Variants in DYM observed in about 807,000 individuals in gnomAD.
DYM encodes the protein dyggve-Melchior-Clausen syndrome protein.
In DYM, 78 loss-of-function variants were observed where a neutral mutation model predicts 93.1. That is an observed-to-expected ratio of 0.84 (90% confidence interval 0.70 to 1.01). The LOEUF is 1.01. DYM is among the 50% of genes least tolerant of loss of function. The probability of loss-of-function intolerance (pLI) is 0.00; values close to 1 mark genes in which losing one functional copy is unlikely to be tolerated. For missense variants in DYM, 789 were observed against 845.0 expected, an observed-to-expected ratio of 0.93 and a Z score of 0.82; for synonymous variants, 321 against 319.7, an observed-to-expected ratio of 1.00 and a Z score of -0.04.
intron 15 of DYM, among the ~76,000 whole-genome samples, chr18:49,125,466 CATAA>C (rs2082727811): frequency 6.6e-6 from 1 of 152,128 alleles, no homozygotes; most frequent in Non-Finnish European, 1.5e-5. Flanking sequence ...GTAGTAGTGA[CATAA>C]ATACTCTCTT....
chr18:49,390,093 C>G (rs771095762), intron 3 of DYM, among the ~76,000 whole-genome samples: 10 of 152,100 alleles, frequency 6.6e-5, no homozygotes, highest in Non-Finnish European at 1.2e-4. Context: ...ACAATAACAC[C>G]TTTTCATTAT....
At chr18:49,434,204 A>T (rs1395208063) in intron 1 of DYM, among the ~76,000 whole-genome samples, 1 of 152,118 alleles carries the variant, frequency 6.6e-6, no homozygotes, top group Non-Finnish European at 1.5e-5. Context: ...AAAATTAGCC[A>T]GGTGTGGTGG....
At chr18:49,311,949 G>A (rs2061619639) in intron 8 of DYM, among the ~76,000 whole-genome samples, 1 of 151,804 alleles carries the variant, frequency 6.6e-6, no homozygotes, top group Admixed American at 6.6e-5. Context: ...GCAGACAGAT[G>A]ATCTGGAGGT....
chr18:49,432,107 T>A (rs1320991616), intron 1 of DYM, among the ~76,000 whole-genome samples: 1 of 152,132 alleles, frequency 6.6e-6, no homozygotes, highest in Non-Finnish European at 1.5e-5. Flanking sequence ...GCGCTGTGGC[T>A]CACGCCTGTA....
intron 15 of DYM, among the ~76,000 whole-genome samples, chr18:49,154,480 C>T (rs542959231): frequency 2.7e-4 from 41 of 152,106 alleles, no homozygotes; most frequent in African/African-American, 9.6e-4. Context: ...CTGCAACCTC[C>T]GCCTCCTGGG....
intron 1 of DYM, among the ~76,000 whole-genome samples, chr18:49,445,758 G>C (rs1211883621): frequency 6.6e-6 from 1 of 152,088 alleles, no homozygotes; most frequent in Admixed American, 6.5e-5. Context: ...AGTAGCCAGA[G>C]TAACACCTTG....
chr18:49,067,340 T>A, intron 17 of DYM, among the ~76,000 whole-genome samples: 1 of 129,550 alleles, frequency 7.7e-6, no homozygotes, highest in African/African-American at 3.0e-5. Flanking sequence ...GTTATGGAGA[T>A]TCAGTAGGGG....
rs554853321 is a variant in DYM, at chr18:49,064,757, C to T, written c.2026-20553G>A. The stretch of plus-strand genomic sequence containing the variant: ...AAAATACGTATATATTTTTCCTTTT[C>T]ACACTTCTAAATCTGCAACTAAAAT... On this transcript the variant is annotated intron_variant, in intron 17 of 17. Transcript: ENST00000675505. 2.0e-5 allele frequency among the ~76,000 whole-genome samples: 3 copies of T among 152,094 alleles called. No individual in the cohort carries two copies. In the South Asian group the frequency reaches 6.2e-4, roughly 32 times the overall value.
At chr18:49,170,294 CT>C (rs1456334495) in intron 14 of DYM, among the ~76,000 whole-genome samples, 1 of 152,106 alleles carries the variant, frequency 6.6e-6, no homozygotes, top group African/African-American at 2.4e-5. Flanking sequence ...AATCTGTGCT[CT>C]TAACAAATCT....
At chr18:49,382,582 A>C (rs1474621751) in intron 3 of DYM, among the ~76,000 whole-genome samples, 1 of 152,208 alleles carries the variant, frequency 6.6e-6, no homozygotes, top group Non-Finnish European at 1.5e-5. Flanking sequence ...AGGAGGTCCG[A>C]CAGGAAAGCA....
chr18:49,205,124 C>A (rs1031232639), intron 14 of DYM, among the ~76,000 whole-genome samples: 1 of 152,082 alleles, frequency 6.6e-6, no homozygotes, highest in East Asian at 1.9e-4. Flanking sequence ...CTACACCCAG[C>A]TAATTTTTTG....
At chr18:49,271,292 C>T (rs751860682) in intron 11 of DYM, among the ~76,000 whole-genome samples, 12 of 152,030 alleles carry the variant, frequency 7.9e-5, no homozygotes, top group Non-Finnish European at 1.5e-4. Context: ...ACGCAATTAT[C>T]CTACAGTACA....
chr18:49,289,817 A>ATATATATATATACACACATATG (rs1568182164), intron 8 of DYM, among the ~76,000 whole-genome samples: 2 of 134,368 alleles, frequency 1.5e-5, no homozygotes, highest in African/African-American at 5.7e-5. Flanking sequence ...ATACACATAT[A>ATATATATATATACACACATATG]TATTTATTTA....
At position 49,036,803 on chromosome 18, in the gene DYM, C is replaced by A. The variant is rs2070720493; in HGVS notation, c.*7252G>T. ...TAAATATTTTAAATGTCTGCATAATCTGAAGTAACTTACCTGTTTTCCTTT... is the reference window on the plus strand; with the variant it reads ...TAAATATTTTAAATGTCTGCATAATATGAAGTAACTTACCTGTTTTCCTTT... On this transcript the variant is annotated 3_prime_UTR_variant, in exon 18 of 18. Transcript: ENST00000675505. Among the ~76,000 whole-genome samples the A allele has an allele frequency of 6.6e-6, 1 of 152,216 alleles. No homozygotes were observed. The highest frequency in any genetic ancestry group is 1.5e-5 in the Non-Finnish European group (1 of 68,036).
chr18:49,067,168 GCA>G (rs2076468430), intron 17 of DYM, among the ~76,000 whole-genome samples: 9 of 30,336 alleles, frequency 3.0e-4, no homozygotes, highest in South Asian at 1.2e-3. Flanking sequence ...GGTGATGTGA[GCA>G]CTATGGAGGT....
intron 15 of DYM, among the ~76,000 whole-genome samples, chr18:49,142,108 A>G: frequency 6.6e-6 from 1 of 150,670 alleles, no homozygotes; most frequent in Admixed American, 6.6e-5. Context: ...TGATCCGCCC[A>G]CCTCGGTCTC....
At chr18:49,099,869 T>G (rs1271102262) in intron 16 of DYM, among the ~76,000 whole-genome samples, 2 of 152,220 alleles carry the variant, frequency 1.3e-5, no homozygotes, top group African/African-American at 4.8e-5. Context: ...AATGTGGCAC[T>G]TGTTCCAGGA....
chr18:49,442,045 A>G (rs1297182460), intron 1 of DYM, among the ~76,000 whole-genome samples: 1 of 152,190 alleles, frequency 6.6e-6, no homozygotes, highest in East Asian at 1.9e-4. Flanking sequence ...GAAACTGAAT[A>G]GGAACCTAGG....
chr18:49,345,686 ATAG>A (rs2064531281), intron 6 of DYM, among the ~76,000 whole-genome samples: 1 of 152,222 alleles, frequency 6.6e-6, no homozygotes, highest in Non-Finnish European at 1.5e-5. Flanking sequence ...AAATCAGCTT[ATAG>A]ATCCTTAAGC....
Sources: gnomAD v4.1 joint callset for allele counts (sites outside exome capture counted in the v4.1 genomes callset) on GRCh38, gnomAD v4.1.1 for gene constraint, MANE v1.5 for transcripts, NCBI Gene and HGNC (gene_info 2026-07-23, HGNC 2026-07-21) for gene names.